The following TRMT11 variants were observed in gnomAD, a reference collection of about 807,000 sequenced individuals.
TRMT11 encodes tRNA (guanine(10)-N(2))-methyltransferase TRMT11.
Under a neutral mutation model 62.8 loss-of-function variants are expected in TRMT11, and 53 were observed. That is an observed-to-expected ratio of 0.84 (90% CI 0.68 to 1.06). TRMT11 has a LOEUF of 1.06. Among genes scored for constraint, TRMT11 ranks in the 50% least tolerant of loss-of-function variants. The pLI is 0.00. For synonymous variants in TRMT11, 188 were observed against 190.3 expected, an observed-to-expected ratio of 0.99 and a Z score of 0.10; for missense variants, 556 against 553.4, an observed-to-expected ratio of 1.00 and a Z score of -0.05.
intron 11 of TRMT11, among the ~76,000 whole-genome samples, chr6:126,017,193 G>A (rs921127347): frequency 9.9e-5 from 15 of 152,094 alleles, no homozygotes; most frequent in African/African-American, 3.6e-4. Context: ...TAAGTCTTTT[G>A]TATTTTTGGT....
intron 17 of TRMT11, among the ~76,000 whole-genome samples, chr6:126,063,164 ATTGAC>A (rs1238149294): frequency 6.6e-6 from 1 of 152,080 alleles, no homozygotes; most frequent in Non-Finnish European, 1.5e-5. Context: ...ATTTTATTTT[ATTGAC>A]TTGTTTATTT....
chr6:126,178,629 A>T (rs1778418141), intron 1 of TRMT11, among the ~76,000 whole-genome samples: 2 of 152,212 alleles, frequency 1.3e-5, no homozygotes, highest in South Asian at 2.1e-4. Context: ...AGACAAGTTG[A>T]TTGAAATCCT....
intron 17 of TRMT11, among the ~76,000 whole-genome samples, chr6:126,061,540 ATTTTT>A (rs5879799): frequency 1.5e-5 from 2 of 135,424 alleles, no homozygotes; most frequent in Non-Finnish European, 1.6e-5. Context: ...GGATCAGTCA[ATTTTT>A]TTTTTTTTTT....
chr6:126,235,790 A>G, the TRMT11 span, among the ~76,000 whole-genome samples: 1 of 152,194 alleles, frequency 6.6e-6, no homozygotes, highest in Non-Finnish European at 1.5e-5. Context: ...TCTGTGCAGC[A>G]AACTGCCATG....
At chr6:126,151,834 C>CTT (rs1281033187) in intron 21 of TRMT11, among the ~76,000 whole-genome samples, 1 of 121,160 alleles carries the variant, frequency 8.3e-6, no homozygotes, top group Non-Finnish European at 1.7e-5. Flanking sequence ...TTCTTTCTTT[C>CTT]TTTCTTTCTT....
At chr6:126,060,425 T>G (rs1315730893) in intron 17 of TRMT11, among the ~76,000 whole-genome samples, 1 of 152,184 alleles carries the variant, frequency 6.6e-6, no homozygotes, top group African/African-American at 2.4e-5. Flanking sequence ...ACCAGAGAAG[T>G]GAAAGGCCAG....
At chr6:126,055,844 C>T (rs1776356502) in intron 17 of TRMT11, among the ~76,000 whole-genome samples, 1 of 152,054 alleles carries the variant, frequency 6.6e-6, no homozygotes, top group South Asian at 2.1e-4. Context: ...TTTGAATAAG[C>T]AATAAATTTA....
chr6:126,182,398 TTC>T (rs1778477644), intron 1 of TRMT11, among the ~76,000 whole-genome samples: 1 of 150,858 alleles, frequency 6.6e-6, no homozygotes, highest in Admixed American at 6.6e-5. Flanking sequence ...TGGTGGTCGT[TTC>T]TTCAAGAGGA....
Position 125,989,316 on chromosome 6 carries a change from C to T in TRMT11, c.72+2694C>T, listed in dbSNP as rs950222391. ...CTAATTTTTGTATTTTCAGTAGAGACGGGCTTTCACCATGTTGGCCAGGAT... is the reference window on the plus strand; with the variant it reads ...CTAATTTTTGTATTTTCAGTAGAGATGGGCTTTCACCATGTTGGCCAGGAT... On this transcript the variant is annotated intron_variant, in intron 1 of 12. Transcript: ENST00000334379. Among the ~76,000 whole-genome samples the T allele has an allele frequency of 7.3e-5, 11 of 151,676 alleles. 1 individual carries two copies. The highest frequency in any genetic ancestry group is 5.8e-4 in the East Asian group (3 of 5,146).
At chr6:126,231,717 T>C in the TRMT11 span, among the ~76,000 whole-genome samples, 1 of 152,214 alleles carries the variant, frequency 6.6e-6, no homozygotes, top group South Asian at 2.1e-4. Flanking sequence ...GCCCATTACA[T>C]GTGGCAGAGG....
chr6:126,010,571 T>G (rs1267737975), intron 8 of TRMT11, among the ~76,000 whole-genome samples: 1 of 152,148 alleles, frequency 6.6e-6, no homozygotes, highest in Non-Finnish European at 1.5e-5. Context: ...CTGTATATTC[T>G]GGCCTTCAAC....
intron 17 of TRMT11, among the ~76,000 whole-genome samples, chr6:126,094,318 A>G (rs1777316612): frequency 6.6e-6 from 1 of 152,230 alleles, no homozygotes; most frequent in African/African-American, 2.4e-5. Context: ...ATATTCAGCA[A>G]TAGGATGGAA....
chr6:126,047,722 G>A (rs1450027358), intron 16 of TRMT11, among the ~76,000 whole-genome samples: 3 of 152,204 alleles, frequency 2.0e-5, no homozygotes, highest in East Asian at 3.9e-4. Context: ...GAGCCCAAAA[G>A]CGCTCGCCCA....
At chr6:126,115,636 G>C (rs1373328459) in intron 20 of TRMT11, among the ~76,000 whole-genome samples, 1 of 152,086 alleles carries the variant, frequency 6.6e-6, no homozygotes, top group Non-Finnish European at 1.5e-5. Flanking sequence ...AGAAACATTA[G>C]AACATTGCTC....
In TRMT11 at chr6:126,093,629, A is replaced by ATTTTTTTTTTT. The variant is rs1199202335; in HGVS notation, c.*1438-19236_*1438-19235insTTTTTTTTTTT. Among the ~76,000 whole-genome samples the ATTTTTTTTTTT allele has an allele frequency of 6.1e-4, 57 of 94,024 alleles. 2 individuals carry two copies. Among genetic ancestry groups the ATTTTTTTTTTT allele is most frequent in the African/African-American group, 2.4e-3 (53 of 21,814 alleles). The allele number at this position is 94,024 out of a possible 152,430, so 61.7% of individuals were successfully genotyped here. A position where few individuals can be genotyped will look rare whatever the true frequency, so the allele number is the denominator to read the frequency against. On this transcript the variant is annotated intron_variant and NMD_transcript_variant, in intron 17 of 22. Coordinates refer to the TRMT11 transcript ENST00000648977. Reference sequence around the variant, plus strand: ...TATATATATATATATATATATATATATATTTTCCCCCAGTCCTGGAGGATC... The same window carrying ATTTTTTTTTTT: ...TATATATATATATATATATATATATATTTTTTTTTTTTATTTTCCCCCAGTCCTGGAGGATC...
intron 21 of TRMT11, among the ~76,000 whole-genome samples, chr6:126,144,751 C>G (rs1356444671): frequency 6.6e-6 from 1 of 152,106 alleles, no homozygotes; most frequent in East Asian, 1.9e-4. Flanking sequence ...TTTTAATTCT[C>G]TCTTGTTTAT....
chr6:126,098,860 G>A (rs1228056063), intron 17 of TRMT11, among the ~76,000 whole-genome samples: 1 of 152,098 alleles, frequency 6.6e-6, no homozygotes, highest in Admixed American at 6.5e-5. Flanking sequence ...TTCCACAAAG[G>A]GGATTTTTTT....
At chr6:126,117,536 T>C (rs1025879081) in intron 21 of TRMT11, among the ~76,000 whole-genome samples, 2 of 152,074 alleles carry the variant, frequency 1.3e-5, no homozygotes, top group Non-Finnish European at 2.9e-5. Flanking sequence ...CAAACAGTAT[T>C]AGTAATATTG....
At chr6:126,033,937 C>T (rs529315147) in intron 12 of TRMT11, among the ~76,000 whole-genome samples, 1 of 152,096 alleles carries the variant, frequency 6.6e-6, no homozygotes, top group African/African-American at 2.4e-5. Flanking sequence ...ACTGATAGGA[C>T]AGGAAATTGG....
Sources: allele counts gnomAD v4.1 joint callset (sites outside exome capture counted in the v4.1 genomes callset), GRCh38; gene constraint gnomAD v4.1.1; transcripts MANE v1.5; gene names NCBI Gene and HGNC (gene_info 2026-07-23, HGNC 2026-07-21).